DCAF8L2: variants seen among roughly 807,000 people sequenced by gnomAD.
DCAF8L2 encodes DDB1 and CUL4 associated factor 8 like 2, also known as DDB1- and CUL4-associated factor 8-like protein 2.
For missense variants in DCAF8L2, 430 were observed against 490.7 expected (o/e 0.88, Z 1.17); for synonymous variants, 200 against 190.9 (o/e 1.05, Z -0.39).
the DCAF8L2 span, among the ~76,000 whole-genome samples, chrX:27,481,389 T>A: frequency 9.0e-6 from 1 of 110,548 alleles, no homozygotes; most frequent in East Asian, 2.8e-4. Flanking sequence ...AAAAAATTAA[T>A]TAATTAATTA....
chrX:27,491,993 G>A, the DCAF8L2 span, among the ~76,000 whole-genome samples: 47 of 111,959 alleles, frequency 4.2e-4, no homozygotes, highest in African/African-American at 1.5e-3. Flanking sequence ...GCAGAGTTGT[G>A]CAACCATTGC....
At chrX:27,579,615 TACACACACACACACACAC>T in the DCAF8L2 span, among the ~76,000 whole-genome samples, 14 of 87,940 alleles carry the variant, frequency 1.6e-4, no homozygotes, top group Non-Finnish European at 3.1e-4. Flanking sequence ...TTCAGAGAAA[TACACACACACACACACAC>T]ACACACACAC....
intron 1 of DCAF8L2, among the ~76,000 whole-genome samples, chrX:27,627,968 C>T (rs1201017020): frequency 1.8e-5 from 2 of 108,876 alleles, no homozygotes; most frequent in African/African-American, 6.7e-5. Context: ...ATGAGATCTA[C>T]TCTCTTCAAT....
intron 4 of DCAF8L2, among the ~76,000 whole-genome samples, chrX:27,740,091 C>T (rs1274375088): frequency 9.0e-6 from 1 of 111,265 alleles, no homozygotes; most frequent in Non-Finnish European, 1.9e-5. Context: ...TCTTCCTGTT[C>T]GTAATAGCAA....
At chrX:27,506,359 T>G in the DCAF8L2 span, among the ~76,000 whole-genome samples, 31 of 111,940 alleles carry the variant, frequency 2.8e-4, no homozygotes, top group East Asian at 4.2e-3. Flanking sequence ...ATATTTTTCT[T>G]TACAAACAAG....
At chrX:27,689,491 C>T (rs1178179080) in intron 3 of DCAF8L2, among the ~76,000 whole-genome samples, 2 of 112,531 alleles carry the variant, frequency 1.8e-5, no homozygotes, top group Non-Finnish European at 1.9e-5. Context: ...GTGATCCACC[C>T]GCCTCAGCCT....
chrX:27,660,510 T>C (rs1044211568), intron 2 of DCAF8L2, among the ~76,000 whole-genome samples: 1 of 111,984 alleles, frequency 8.9e-6, no homozygotes, highest in Non-Finnish European at 1.9e-5. Context: ...ATTTCTTCAG[T>C]TGTAATTAAC....
intron 2 of DCAF8L2, among the ~76,000 whole-genome samples, chrX:27,650,390 T>G (rs1156885566): frequency 8.9e-6 from 1 of 111,960 alleles, no homozygotes; most frequent in African/African-American, 3.2e-5. Flanking sequence ...CTTTGAGCCT[T>G]ATGGCCATTT....
chrX:27,554,672 A>G, the DCAF8L2 span, among the ~76,000 whole-genome samples: 2 of 111,898 alleles, frequency 1.8e-5, no homozygotes, highest in Non-Finnish European at 3.8e-5. Flanking sequence ...GCATAAAATC[A>G]TGCATCATTT....
the DCAF8L2 span, among the ~76,000 whole-genome samples, chrX:27,502,080 G>T: frequency 9.4e-6 from 1 of 106,820 alleles, no homozygotes. Context: ...CAGCACTTTG[G>T]GAGGCTAAGA....
intron 4 of DCAF8L2, among the ~76,000 whole-genome samples, chrX:27,723,004 A>G (rs764016113): frequency 7.9e-4 from 88 of 111,026 alleles, no homozygotes; most frequent in African/African-American, 2.7e-3. Flanking sequence ...AATCATTAAA[A>G]GGATTTTATT....
chrX:27,627,887 C>T (rs1319221908), intron 1 of DCAF8L2, among the ~76,000 whole-genome samples: 1 of 103,367 alleles, frequency 9.7e-6, no homozygotes, highest in Admixed American at 1.1e-4. Flanking sequence ...AGCAAGACTC[C>T]ATCTAAAACT....
At chrX:27,720,951 T>G (rs1931882204) in intron 4 of DCAF8L2, among the ~76,000 whole-genome samples, 1 of 111,938 alleles carries the variant, frequency 8.9e-6, no homozygotes, top group Non-Finnish European at 1.9e-5. Context: ...ATTTCTTAAA[T>G]ATTTTTATTT....
At chrX:27,592,413 T>TTG (rs1926141392) in intron 1 of DCAF8L2, among the ~76,000 whole-genome samples, 1 of 49,282 alleles carries the variant, frequency 2.0e-5, no homozygotes, top group Non-Finnish European at 3.7e-5. Flanking sequence ...TTTTGTTTGT[T>TTG]TTTGTTTTTT....
the DCAF8L2 span, chrX:27,518,451 A>C: frequency 9.5e-6 from 5 of 526,103 alleles, no homozygotes; most frequent in Non-Finnish European, 1.0e-5. Context: ...AATGAAAAAC[A>C]AAAAGGGGGT....
At position 27,748,253 on chromosome X, in the gene DCAF8L2, A is replaced by T. The variant is rs185264593; in HGVS notation, c.1358A>T (p.His453Leu). ...GATATTTACCTCTTCAACTCCTCTCACAGTGATGGTGCTCAATACAGTAAG... is the reference window on the plus strand; with the variant it reads ...GATATTTACCTCTTCAACTCCTCTCTCAGTGATGGTGCTCAATACAGTAAG... ...DDDIYLFNSS[H>L]SDGAQYSKRF... The change falls in exon 5 of 5, where the codon CAC becomes CTC. Residue 453 changes from histidine to leucine, a missense_variant. Physicochemically the swap from His to Leu is moderately conservative, Grantham distance 99. Transcript: ENST00000451261. The T allele has an allele frequency of 1.5e-4, 177 of 1,209,871 alleles. No homozygotes were observed. The highest frequency in any genetic ancestry group is 1.9e-4 in the Non-Finnish European group (173 of 894,894).
At chrX:27,514,682 A>AAAAAC in the DCAF8L2 span, among the ~76,000 whole-genome samples, 29 of 61,625 alleles carry the variant, frequency 4.7e-4, 1 homozygote, top group Non-Finnish European at 6.0e-4. Context: ...AAAAAAAAAA[A>AAAAAC]AAAAAAAAAA....
intron 3 of DCAF8L2, among the ~76,000 whole-genome samples, chrX:27,711,378 TGTGTGTGTGTGTGTGTGTAC>T (rs974541826): frequency 9.9e-5 from 9 of 91,362 alleles, no homozygotes; most frequent in Non-Finnish European, 1.5e-4. Flanking sequence ...TACATCTATA[TGTGTGTGTGTGTGTGTGTAC>T]GTGTGTGTGT....
chrX:27,707,855 T>C (rs1931393489), intron 3 of DCAF8L2, among the ~76,000 whole-genome samples: 1 of 111,676 alleles, frequency 9.0e-6, no homozygotes, highest in Non-Finnish European at 1.9e-5. Context: ...TGTGGCTTTT[T>C]TGACAAAGTA....
Sources: gnomAD v4.1 joint callset for allele counts (sites outside exome capture counted in the v4.1 genomes callset) on GRCh38, gnomAD v4.1.1 for gene constraint, MANE v1.5 for transcripts, NCBI Gene and HGNC (gene_info 2026-07-23, HGNC 2026-07-21) for gene names.